The following VWA3B variants were observed in gnomAD, a reference collection of about 807,000 sequenced individuals.
The protein encoded by VWA3B is von Willebrand factor A domain containing 3B, also known as von Willebrand factor A domain-containing protein 3B.
Under a neutral mutation model 158.3 loss-of-function variants are expected in VWA3B, and 138 were observed. That is an observed-to-expected ratio of 0.87 (90% CI 0.76 to 1.00). The LOEUF (loss-of-function observed/expected upper bound fraction) is 1.00, where lower values mean the gene tolerates loss of function less well. VWA3B is among the 50% of genes least tolerant of loss of function. The pLI, the probability that VWA3B is intolerant of heterozygous loss-of-function variation, is 0.00. For synonymous variants in VWA3B, 596 were observed against 587.3 expected (o/e 1.01, Z -0.21); for missense variants, 1,555 against 1,565.1 (o/e 0.99, Z 0.11).
At chr2:98,119,845 A>C (rs1674820944) in intron 4 of VWA3B, 82 bp downstream of exon 4, 1 of 1,502,720 alleles carries the variant, frequency 6.7e-7, no homozygotes, top group African/African-American at 1.4e-5. Flanking sequence ...CACAGCTGAC[A>C]CAGTTAGCTC....
Position 98,212,000 on chromosome 2 carries a change from A to G in VWA3B, c.1808A>G (p.Tyr603Cys), listed in dbSNP as rs774469748. 3.7e-6 allele frequency: 6 copies of G among 1,613,972 alleles called. No homozygotes were observed. The African/African-American group carries it at 8.0e-5, about 22-fold the overall frequency. The stretch of plus-strand genomic sequence containing the variant: ...GCTGATAAAGAAACACAGGCAATCT[A>G]CCTTCTGACCGATGGGAGACCTGAT... ...AFADKETQAI[Y>C]LLTDGRPDQP... Residue 603 changes from tyrosine to cysteine, a missense_variant, in exon 13 of 28, where the codon TAC becomes TGC. Coordinates refer to ENST00000477737, the MANE Select transcript of VWA3B (RefSeq NM_144992.5).
chr2:98,196,594 C>T (rs1682065323), intron 12 of VWA3B, among the ~76,000 whole-genome samples: 1 of 152,122 alleles, frequency 6.6e-6, no homozygotes, highest in Non-Finnish European at 1.5e-5. Flanking sequence ...GCCGCGCCTG[C>T]CCAGTAGTTG....
At chr2:98,225,701 T>C (rs905285269) in intron 14 of VWA3B, among the ~76,000 whole-genome samples, 1 of 136,790 alleles carries the variant, frequency 7.3e-6, no homozygotes, top group Admixed American at 7.1e-5. Flanking sequence ...CCCCAGGAGA[T>C]CTACAAAAAA....
At chr2:98,187,467 G>C (rs1055714265) in intron 9 of VWA3B, among the ~76,000 whole-genome samples, 3 of 152,054 alleles carry the variant, frequency 2.0e-5, no homozygotes, top group Non-Finnish European at 4.4e-5. Flanking sequence ...TTCTTGGTGG[G>C]AAAAGAGGAT....
intron 13 of VWA3B, among the ~76,000 whole-genome samples, chr2:98,215,396 G>A (rs1385963927): frequency 4.0e-5 from 6 of 149,722 alleles, no homozygotes; most frequent in South Asian, 2.1e-4. Flanking sequence ...AGCCGAGATC[G>A]CGCCACTGCA....
At chr2:98,266,924 T>C (rs1422788171) in intron 21 of VWA3B, among the ~76,000 whole-genome samples, 1 of 148,928 alleles carries the variant, frequency 6.7e-6, no homozygotes, top group Non-Finnish European at 1.5e-5. Flanking sequence ...TGAAGTTGCT[T>C]ATCAGCTTAA....
intron 12 of VWA3B, among the ~76,000 whole-genome samples, chr2:98,209,636 C>T (rs1683332701): frequency 1.3e-5 from 2 of 152,114 alleles, no homozygotes; most frequent in East Asian, 1.9e-4. Context: ...GCCCCATACT[C>T]TTTCCCCTCT....
intron 8 of VWA3B, among the ~76,000 whole-genome samples, chr2:98,163,673 C>G (rs1573953022): frequency 6.6e-6 from 1 of 152,118 alleles, no homozygotes; most frequent in South Asian, 2.1e-4. Flanking sequence ...GATTCATAGC[C>G]AAGGTCAGGG....
intron 7 of VWA3B, among the ~76,000 whole-genome samples, chr2:98,137,357 C>G (rs1484732003): frequency 6.6e-6 from 1 of 152,150 alleles, no homozygotes; most frequent in East Asian, 1.9e-4. Context: ...GAGGCAATAT[C>G]TCATTGTGGT....
At chr2:98,210,628 G>A (rs1683432644) in intron 12 of VWA3B, among the ~76,000 whole-genome samples, 1 of 152,214 alleles carries the variant, frequency 6.6e-6, no homozygotes, top group African/African-American at 2.4e-5. Flanking sequence ...AAGTCTTAAT[G>A]GGAGAGTGCC....
At chr2:98,253,699 C>T (rs1403917860) in intron 20 of VWA3B, among the ~76,000 whole-genome samples, 1 of 152,072 alleles carries the variant, frequency 6.6e-6, no homozygotes, top group Non-Finnish European at 1.5e-5. Context: ...TTACAAGTTG[C>T]TTTGCAAATG....
chr2:98,181,119 G>A lies in VWA3B; in HGVS notation c.1218G>A (p.Leu406=), dbSNP rs201268161. 8.2e-4 allele frequency: 1,325 copies of A among 1,614,094 alleles called. 1 individual carries two copies. Among genetic ancestry groups the A allele is most frequent in the Non-Finnish European group, 1.0e-3 (1,227 of 1,180,050 alleles). The stretch of plus-strand genomic sequence containing the variant: ...GCTTGAAGGCCCAGAAGCTATCCTT[G>A]TATGATGTGCTTGCCGACTGCTCTT... ...KYGLKAQKLS[L]YDVLADCSFR... is the part of the protein sequence containing the mutation. Residue 406 remains leucine (L), a synonymous_variant, in exon 9 of 28, where the codon TTG becomes TTA. Coordinates refer to ENST00000477737, the MANE Select transcript of VWA3B (RefSeq NM_144992.5).
intron 22 of VWA3B, among the ~76,000 whole-genome samples, chr2:98,282,367 A>T (rs1688929925): frequency 6.6e-6 from 1 of 152,152 alleles, no homozygotes; most frequent in Admixed American, 6.5e-5. Context: ...CTGTGGAATC[A>T]ACCAGAAATG....
intron 8 of VWA3B, chr2:98,179,274 A>G (rs1038330641): frequency 8.5e-6 from 4 of 471,080 alleles, no homozygotes; most frequent in African/African-American, 6.0e-5. Flanking sequence ...TCATCTGGAA[A>G]AATAGTTTTC....
intron 4 of VWA3B, among the ~76,000 whole-genome samples, chr2:98,120,145 T>A (rs1674852714): frequency 6.6e-6 from 1 of 152,246 alleles, no homozygotes; most frequent in Non-Finnish European, 1.5e-5. Flanking sequence ...TTTTCCAGAC[T>A]GAAGTTGCAA....
intron 19 of VWA3B, among the ~76,000 whole-genome samples, chr2:98,237,985 G>A (rs1463712130): frequency 1.3e-5 from 2 of 152,090 alleles, no homozygotes; most frequent in African/African-American, 4.8e-5. Context: ...GCTTTTTTGT[G>A]TATTTGAAAT....
At position 98,096,642 on chromosome 2, in the gene VWA3B, A is replaced by G. The variant is rs182017801; in HGVS notation, c.196+3354A>G. ...AGATTTTAGATTTCTTCATAATTCA[A>G]TCTTGGTAGAATGTATGTGTCCAGG... On this transcript the variant is annotated intron_variant, in intron 2 of 27. Transcript: ENST00000477737. Among the ~76,000 whole-genome samples the G allele has an allele frequency of 6.6e-5, 10 of 152,268 alleles. 1 individual carries two copies. The highest frequency in any genetic ancestry group is 2.6e-4 in the Admixed American group (4 of 15,286).
intron 5 of VWA3B, among the ~76,000 whole-genome samples, chr2:98,127,935 A>T (rs796831422): frequency 2.9e-4 from 44 of 152,316 alleles, no homozygotes; most frequent in African/African-American, 9.9e-4. Flanking sequence ...TGACTTGAAA[A>T]TAACCACTCC....
At chr2:98,245,356 C>G (rs1236586916) in intron 19 of VWA3B, 1 of 350,712 alleles carries the variant, frequency 2.9e-6, no homozygotes, top group Non-Finnish European at 5.6e-6. Context: ...GAGAATGCCC[C>G]TTATGACCTC....
Sources: allele counts gnomAD v4.1 joint callset (sites outside exome capture counted in the v4.1 genomes callset), GRCh38; gene constraint gnomAD v4.1.1; transcripts MANE v1.5; gene names NCBI Gene and HGNC (gene_info 2026-07-23, HGNC 2026-07-21).